SKAP2: variants seen among roughly 807,000 people sequenced by gnomAD.
SKAP2 encodes the protein src kinase associated phosphoprotein 2, also known as src kinase-associated phosphoprotein 2.
In SKAP2, 28 loss-of-function variants were observed where a neutral mutation model predicts 54.9. The ratio of observed to expected loss-of-function variants is 0.51; its 90% CI spans 0.38 to 0.70. The LOEUF is 0.70. SKAP2 is among the 30% of genes least tolerant of loss of function. The pLI, the probability that SKAP2 is intolerant of heterozygous loss-of-function variation, is 0.00. For missense variants in SKAP2, 356 were observed against 424.1 expected (o/e 0.84, Z 1.41); for synonymous variants, 137 against 134.3 (o/e 1.02, Z -0.14).
At chr7:26,711,440 G>A (rs1204282878) in intron 9 of SKAP2, among the ~76,000 whole-genome samples, 2 of 152,120 alleles carry the variant, frequency 1.3e-5, no homozygotes, top group African/African-American at 2.4e-5. Flanking sequence ...CAGCGACTTT[G>A]TGGACAAAAA....
At chr7:26,855,352 G>C (rs999978348) in intron 1 of SKAP2, among the ~76,000 whole-genome samples, 23 of 151,946 alleles carry the variant, frequency 1.5e-4, no homozygotes, top group Non-Finnish European at 7.4e-5. Flanking sequence ...GTTTTCCCTA[G>C]TATAATCAAT....
chr7:26,661,969 C>T, the SKAP2 span, among the ~76,000 whole-genome samples: 1 of 152,050 alleles, frequency 6.6e-6, no homozygotes, highest in Non-Finnish European at 1.5e-5. Flanking sequence ...ACTGGTATTC[C>T]GCAGGGAAGG....
intron 4 of SKAP2, among the ~76,000 whole-genome samples, chr7:26,842,707 A>G (rs1469739709): frequency 6.6e-6 from 1 of 151,948 alleles, no homozygotes; most frequent in African/African-American, 2.4e-5. Flanking sequence ...TGTCTGAAAA[A>G]TAGTACCACT....
chr7:26,813,357 C>CTA (rs1376761113), intron 4 of SKAP2, among the ~76,000 whole-genome samples: 4 of 152,058 alleles, frequency 2.6e-5, no homozygotes, highest in Non-Finnish European at 5.9e-5. Context: ...TACCTTTTGT[C>CTA]TATACTTTTT....
At chr7:26,762,353 T>C (rs956563895) in intron 4 of SKAP2, among the ~76,000 whole-genome samples, 2 of 152,178 alleles carry the variant, frequency 1.3e-5, no homozygotes, top group African/African-American at 4.8e-5. Flanking sequence ...TGGAAATCTT[T>C]TTGTTCTATT....
chr7:26,799,490 T>C (rs1418789619), intron 4 of SKAP2, among the ~76,000 whole-genome samples: 1 of 150,756 alleles, frequency 6.6e-6, no homozygotes, highest in Non-Finnish European at 1.5e-5. Context: ...GATAAAGGAG[T>C]CAATTCAGCA....
At chr7:26,731,274 G>A (rs1055216585) in intron 6 of SKAP2, among the ~76,000 whole-genome samples, 2 of 152,088 alleles carry the variant, frequency 1.3e-5, no homozygotes, top group African/African-American at 4.8e-5. Flanking sequence ...AAGCACCCCA[G>A]GTGATTTTGA....
At chr7:26,796,218 T>C (rs1434637156) in intron 4 of SKAP2, among the ~76,000 whole-genome samples, 1 of 152,224 alleles carries the variant, frequency 6.6e-6, no homozygotes, top group African/African-American at 2.4e-5. Flanking sequence ...TATTAAATCA[T>C]AACTGCATAA....
intron 3 of SKAP2, among the ~76,000 whole-genome samples, chr7:26,852,759 C>T (rs1422685492): frequency 6.6e-6 from 1 of 152,092 alleles, no homozygotes; most frequent in Non-Finnish European, 1.5e-5. Flanking sequence ...TCATATCATG[C>T]TTTTTTAGCT....
chr7:26,744,432 A>G (rs1782516939), intron 4 of SKAP2, among the ~76,000 whole-genome samples: 1 of 152,022 alleles, frequency 6.6e-6, no homozygotes, highest in Non-Finnish European at 1.5e-5. Flanking sequence ...AAAGTAGAAA[A>G]ATGTGTCTAG....
chr7:26,790,291 T>C (rs1308536009), intron 4 of SKAP2, among the ~76,000 whole-genome samples: 1 of 152,228 alleles, frequency 6.6e-6, no homozygotes, highest in East Asian at 1.9e-4. Context: ...GACCTAGCAG[T>C]GAACTAGAGA....
intron 9 of SKAP2, among the ~76,000 whole-genome samples, chr7:26,717,194 CAG>C (rs1318272603): frequency 1.3e-5 from 2 of 151,990 alleles, no homozygotes; most frequent in Non-Finnish European, 2.9e-5. Flanking sequence ...TGGAGAGAAA[CAG>C]GGGAAGTGGA....
chr7:26,795,659 T>C (rs1422487640), intron 4 of SKAP2, among the ~76,000 whole-genome samples: 1 of 152,218 alleles, frequency 6.6e-6, no homozygotes, highest in Non-Finnish European at 1.5e-5. Context: ...TTAGATTTAC[T>C]GGGCAACAAC....
intron 4 of SKAP2, among the ~76,000 whole-genome samples, chr7:26,764,024 G>A (rs1282657161): frequency 1.3e-5 from 2 of 152,102 alleles, no homozygotes; most frequent in African/African-American, 4.8e-5. Flanking sequence ...CATCTCAAAT[G>A]ATGTTTCCAG....
intron 3 of SKAP2, among the ~76,000 whole-genome samples, chr7:26,850,270 C>G (rs1238550540): frequency 2.0e-5 from 3 of 152,008 alleles, no homozygotes; most frequent in Non-Finnish European, 4.4e-5. Flanking sequence ...AAGTAAAAAT[C>G]TACGGTTAGA....
chr7:26,742,960 A>C (rs2127963088), intron 4 of SKAP2, among the ~76,000 whole-genome samples: 1 of 152,316 alleles, frequency 6.6e-6, no homozygotes, highest in South Asian at 2.1e-4. Flanking sequence ...AACGCTATTG[A>C]CATTTAGGAA....
At chr7:26,716,245 C>A (rs1030147150) in intron 9 of SKAP2, among the ~76,000 whole-genome samples, 4 of 152,150 alleles carry the variant, frequency 2.6e-5, no homozygotes, top group African/African-American at 7.2e-5. Flanking sequence ...AAATTTCCCA[C>A]TATGATTAAG....
At chr7:26,728,479 C>T (rs1231799915) in intron 6 of SKAP2, among the ~76,000 whole-genome samples, 2 of 152,042 alleles carry the variant, frequency 1.3e-5, no homozygotes, top group Non-Finnish European at 2.9e-5. Flanking sequence ...GGATATATTT[C>T]GTAAGACACC....
At chr7:26,803,431 C>T (rs1783956120) in intron 4 of SKAP2, among the ~76,000 whole-genome samples, 1 of 152,164 alleles carries the variant, frequency 6.6e-6, no homozygotes, top group Non-Finnish European at 1.5e-5. Context: ...CATCTCACCC[C>T]AGTTAAAATG....
Sources: allele counts gnomAD v4.1 joint callset (sites outside exome capture counted in the v4.1 genomes callset), GRCh38; gene constraint gnomAD v4.1.1; transcripts MANE v1.5; gene names NCBI Gene and HGNC (gene_info 2026-07-23, HGNC 2026-07-21).